The following RBM34 variants were observed in gnomAD, a reference collection of about 807,000 sequenced individuals.
The protein encoded by RBM34 is RNA binding motif protein 34, also known as RNA-binding protein 34.
In RBM34, 39 loss-of-function variants were observed where a neutral mutation model predicts 44.6. The observed-to-expected ratio is 0.87, with a 90% CI of 0.68 to 1.14. The LOEUF (loss-of-function observed/expected upper bound fraction) is 1.14, where lower values mean the gene tolerates loss of function less well. Among genes scored for constraint, RBM34 ranks in the 50% most tolerant of loss-of-function variants. The probability of loss-of-function intolerance (pLI) is 0.00; values close to 1 mark genes in which losing one functional copy is unlikely to be tolerated. For missense variants in RBM34, 572 were observed against 517.9 expected, an observed-to-expected ratio of 1.10 and a Z score of -1.01; for synonymous variants, 194 against 184.0, an observed-to-expected ratio of 1.05 and a Z score of -0.44.
rs755080982 is a variant in RBM34 at position 235,154,913 on chromosome 1, C to A, written c.565G>T (p.Val189Phe). ...ERLKNERTVF[V>F]GNLPVTCNKK... ...TTACATGTAACAGGCAAATTCCCAA[C>A]AAACACAGTTCTCTCATTCTTTAAT... Residue 189 changes from valine to phenylalanine, a missense_variant, in exon 4 of 11, where the codon GTT (valine) becomes TTT (phenylalanine). Coordinates refer to ENST00000408888, the MANE Select transcript of RBM34 (RefSeq NM_015014.4). The A allele has an allele frequency of 6.2e-7, 1 of 1,613,850 alleles. No homozygotes were observed. The highest frequency in any genetic ancestry group is 1.3e-5 in the African/African-American group (1 of 74,950).
At chr1:235,148,966 C>T (rs889038247) in intron 5 of RBM34, among the ~76,000 whole-genome samples, 1 of 151,926 alleles carries the variant, frequency 6.6e-6, no homozygotes, top group African/African-American at 2.4e-5. Flanking sequence ...AACCATCATG[C>T]TCAGATTTAA....
At chr1:235,152,918 G>C (rs1197666858) in intron 4 of RBM34, among the ~76,000 whole-genome samples, 153 bp from the exon 5 acceptor site, 2 of 149,020 alleles carry the variant, frequency 1.3e-5, no homozygotes, top group Admixed American at 1.3e-4. Flanking sequence ...GCCCAGGCTG[G>C]AGTGCAGTGG....
chr1:235,144,994 G>C (rs965298755), intron 6 of RBM34, among the ~76,000 whole-genome samples: 28 of 152,114 alleles, frequency 1.8e-4, no homozygotes, highest in African/African-American at 6.5e-4. Flanking sequence ...GGTGAGCTGA[G>C]ATCACGCCAT....
At chr1:235,146,432 A>G (rs1337528644) in intron 6 of RBM34, among the ~76,000 whole-genome samples, 1 of 152,184 alleles carries the variant, frequency 6.6e-6, no homozygotes, top group African/African-American at 2.4e-5. Context: ...CTAAGCAGAA[A>G]AAGGGAAGGT....
chr1:235,135,900 A>G, intron 9 of RBM34, 130 bp from the exon 10 acceptor site: 5 of 1,205,406 alleles, frequency 4.1e-6, no homozygotes, highest in Non-Finnish European at 6.0e-6. Context: ...ACTTTTTAGT[A>G]CATGTGCTGC....
Position 235,138,178 on chromosome 1 carries a change from C to G in RBM34, c.702-4G>C. 6 of 1,523,534 alleles carry G rather than the reference C, an allele frequency of 3.9e-6. No homozygotes were observed. Among genetic ancestry groups the G allele is most frequent in the Non-Finnish European group, 5.3e-6 (6 of 1,128,792 alleles). The allele number at this position is 1,523,534 out of a possible 1,614,324, so 94.4% of individuals were successfully genotyped here. On this transcript the variant is annotated splice_polypyrimidine_tract_variant and splice_region_variant and intron_variant, in intron 6 of 10. Transcript: ENST00000408888. Reference sequence around the variant, plus strand: ...CTGATCAGGATGAATTTTACGTCTACACCAAAAAAAAAAAAAGAAAGAAAG... The same window carrying G: ...CTGATCAGGATGAATTTTACGTCTAGACCAAAAAAAAAAAAAGAAAGAAAG...
chr1:235,160,209 T>G (rs781619775), intron 3 of RBM34: 1 of 497,624 alleles, frequency 2.0e-6, no homozygotes, highest in Non-Finnish European at 3.9e-6. Flanking sequence ...CTGAGATCAC[T>G]GCACTCTACT....
At chr1:235,132,158 C>G (rs1473501816) in intron 10 of RBM34, among the ~76,000 whole-genome samples, 161 bp from the exon 11 acceptor site, 4 of 152,210 alleles carry the variant, frequency 2.6e-5, no homozygotes, top group African/African-American at 9.6e-5. Context: ...GTCTCCTCAT[C>G]ACCATGCTCG....
chr1:235,151,928 G>A (rs1310393477), intron 5 of RBM34, among the ~76,000 whole-genome samples: 1 of 152,090 alleles, frequency 6.6e-6, no homozygotes, highest in African/African-American at 2.4e-5. Context: ...AGCTACTTGG[G>A]AGGCTGAGGC....
intron 8 of RBM34, 53 bp from the exon 9 acceptor site, chr1:235,136,126 G>C (rs1572143082): frequency 1.3e-6 from 2 of 1,490,486 alleles, no homozygotes; most frequent in South Asian, 2.4e-5. Context: ...GAAAATGGAA[G>C]TCATCGAAAA....
At chr1:235,139,598 C>G (rs1482400591) in intron 6 of RBM34, among the ~76,000 whole-genome samples, 1 of 152,198 alleles carries the variant, frequency 6.6e-6, no homozygotes, top group Admixed American at 6.5e-5. Context: ...CATCCTAGTG[C>G]ACCCCCAGGA....
At chr1:235,136,113 C>G (rs1661417217) in intron 8 of RBM34, 40 bp from the exon 9 acceptor site, 4 of 1,542,166 alleles carry the variant, frequency 2.6e-6, no homozygotes, top group Admixed American at 3.6e-5. Flanking sequence ...ACTCACTAGA[C>G]CAGAAAATGG....
At position 235,138,136 on chromosome 1, in the gene RBM34, T is replaced by A. The variant is rs1176810708; in HGVS notation, c.740A>T (p.Tyr247Phe). 1.2e-6 allele frequency: 2 copies of A among 1,604,398 alleles called. No individual in the cohort carries two copies. The highest frequency in any genetic ancestry group is 2.3e-5 in the South Asian group (2 of 88,604). The change falls in exon 7 of 11, where the codon TAT (tyrosine) becomes TTT (phenylalanine). Residue 247 changes from tyrosine (Y) to phenylalanine (F), a missense_variant. By Grantham distance (22) the Tyr-to-Phe change is conservative. Transcript: ENST00000408888. ...AGCACTCTCCTCCTTAAACACAACA[T>A]AGGCATTAATATTTTTCTGATCAGG... ...IHPDQKNINA[Y>F]VVFKEESAAT...
At chr1:235,132,752 A>C (rs747817342) in intron 10 of RBM34, among the ~76,000 whole-genome samples, 1 of 152,202 alleles carries the variant, frequency 6.6e-6, no homozygotes, top group Non-Finnish European at 1.5e-5. Context: ...ATTTAGATCC[A>C]AAATTCTGTT....
At chr1:235,155,812 CATACAT>C (rs1220915459) in intron 3 of RBM34, among the ~76,000 whole-genome samples, 1 of 82,718 alleles carries the variant, frequency 1.2e-5, no homozygotes, top group African/African-American at 6.4e-5. Flanking sequence ...GTCTTTTATA[CATACAT>C]ATACATATAT....
chr1:235,134,325 T>C (rs1661326469), intron 10 of RBM34, among the ~76,000 whole-genome samples: 1 of 151,982 alleles, frequency 6.6e-6, no homozygotes, highest in Admixed American at 6.6e-5. Flanking sequence ...CACCCAGCCT[T>C]ACTTGTATAT....
At chr1:235,142,094 G>A (rs991382535) in intron 6 of RBM34, among the ~76,000 whole-genome samples, 3 of 152,094 alleles carry the variant, frequency 2.0e-5, no homozygotes, top group Non-Finnish European at 4.4e-5. Flanking sequence ...AGCTACCGGG[G>A]GAGAGGTGGG....
chr1:235,160,542 G>C lies in RBM34; in HGVS notation c.334C>G (p.His112Asp). 3 of 1,613,754 alleles carry C rather than the reference G, an allele frequency of 1.9e-6. No homozygotes were observed. The South Asian group carries it at 3.3e-5, about 18-fold the overall frequency. The change falls in exon 3 of 11, where the codon CAC becomes GAC. Residue 112 changes from histidine to aspartate, a missense_variant. His to Asp is a moderately conservative substitution (Grantham distance 81). Transcript: ENST00000408888. Reference protein sequence around the residue: ...PAKKVKAKKKHTNAEKKLADR... With the variant: ...PAKKVKAKKKDTNAEKKLADR... ...GCCAACTTTTTTTCTGCGTTAGTGT[G>C]TTTCTTCTTCGCTTTCACTTTTTTG...
chr1:235,156,251 A>G (rs2102862686), intron 3 of RBM34, among the ~76,000 whole-genome samples: 1 of 151,804 alleles, frequency 6.6e-6, no homozygotes, highest in Admixed American at 6.6e-5. Flanking sequence ...CCATTCGCCC[A>G]CCTCAGCCTC....
Sources: allele counts gnomAD v4.1 joint callset (sites outside exome capture counted in the v4.1 genomes callset), GRCh38; gene constraint gnomAD v4.1.1; transcripts MANE v1.5; gene names NCBI Gene and HGNC (gene_info 2026-07-23, HGNC 2026-07-21).